CLTC: variants seen among roughly 807,000 people sequenced by gnomAD.
CLTC encodes clathrin heavy chain, also known as clathrin heavy chain 1.
CLTC carries 16 observed loss-of-function variants against 195.8 expected under a neutral mutation model. The ratio of observed to expected loss-of-function variants is 0.08; its 90% CI spans 0.06 to 0.12. The LOEUF (loss-of-function observed/expected upper bound fraction) is 0.12, where lower values mean the gene tolerates loss of function less well. Ranked by LOEUF, CLTC falls within the 10% of genes least tolerant of loss-of-function variation. The probability of loss-of-function intolerance (pLI) is 1.00; values close to 1 mark genes in which losing one functional copy is unlikely to be tolerated. For missense variants in CLTC, 796 were observed against 2,027.0 expected, an observed-to-expected ratio of 0.39 and a Z score of 11.66; for synonymous variants, 667 against 689.4, an observed-to-expected ratio of 0.97 and a Z score of 0.51.
intron 1 of CLTC, among the ~76,000 whole-genome samples, chr17:59,642,851 C>T (rs538263501): frequency 1.3e-5 from 2 of 152,184 alleles, no homozygotes; most frequent in East Asian, 3.9e-4. Flanking sequence ...ACATTAATAA[C>T]TTAATACCAG....
rs2032548171 is a variant in CLTC at position 59,659,157 on chromosome 17, A to G, written c.970-1234A>G. ...AGACAAACCCCCTTTCCTCATGTGA[A>G]CAGTAACTGAGAAAAAATTATACAA... On this transcript the variant is annotated intron_variant, in intron 6 of 31. Transcript: ENST00000269122. Among the ~76,000 whole-genome samples the G allele has an allele frequency of 3.3e-5, 5 of 152,310 alleles. No individual in the cohort carries two copies. The South Asian group carries it at 1.0e-3, about 32-fold the overall frequency.
intron 1 of CLTC, among the ~76,000 whole-genome samples, chr17:59,641,735 G>GATAT (rs1181893283): frequency 6.6e-6 from 1 of 151,100 alleles, no homozygotes; most frequent in Non-Finnish European, 1.5e-5. Context: ...GGAGATCAAA[G>GATAT]ATATATATGC....
At chr17:59,621,354 G>C (rs1020503109) in intron 1 of CLTC, among the ~76,000 whole-genome samples, 7 of 152,196 alleles carry the variant, frequency 4.6e-5, no homozygotes, top group Admixed American at 3.9e-4. Flanking sequence ...GTCGTCTGAA[G>C]GGCTAATTCC....
chr17:59,632,503 AAT>A (rs751710999), intron 1 of CLTC, among the ~76,000 whole-genome samples: 1 of 152,044 alleles, frequency 6.6e-6, no homozygotes, highest in Non-Finnish European at 1.5e-5. Flanking sequence ...AAGAAGTTGT[AAT>A]ACCATGAATT....
At chr17:59,627,750 TG>T (rs1423576427) in intron 1 of CLTC, among the ~76,000 whole-genome samples, 1 of 152,210 alleles carries the variant, frequency 6.6e-6, no homozygotes, top group Non-Finnish European at 1.5e-5. Flanking sequence ...CCGGTTAACT[TG>T]TAACCAGGAT....
At position 59,641,470 on chromosome 17, in the gene CLTC, G is replaced by A. The variant is rs573645311; in HGVS notation, c.43-2806G>A. Among the ~76,000 whole-genome samples the A allele has an allele frequency of 1.4e-4, 21 of 151,560 alleles. No individual in the cohort carries two copies. The South Asian group carries it at 3.8e-3, about 27-fold the overall frequency. ...CAAAAAATTAGCCGGGCATGTTGGC[G>A]CACTCCTGTAGTCCCAGCTACTCGG... On this transcript the variant is annotated intron_variant, in intron 1 of 31. Coordinates refer to ENST00000269122, the MANE Select transcript of CLTC (RefSeq NM_004859.4).
chr17:59,621,033 C>G (rs758844406), intron 1 of CLTC, among the ~76,000 whole-genome samples: 1 of 152,180 alleles, frequency 6.6e-6, no homozygotes, highest in Non-Finnish European at 1.5e-5. Context: ...TGGAATTGAA[C>G]AGAGCCCTGG....
At chr17:59,642,638 G>C (rs2032072105) in intron 1 of CLTC, among the ~76,000 whole-genome samples, 1 of 152,106 alleles carries the variant, frequency 6.6e-6, no homozygotes, top group Non-Finnish European at 1.5e-5. Context: ...GGTTTATAAG[G>C]CTTTACTATA....
chr17:59,637,889 C>T (rs2031915113), intron 1 of CLTC, among the ~76,000 whole-genome samples: 1 of 150,320 alleles, frequency 6.7e-6, no homozygotes, highest in Non-Finnish European at 1.5e-5. Context: ...GAATTCCACC[C>T]TGGGCCACAG....
intron 15 of CLTC, 72 bp from the exon 16 acceptor site, chr17:59,674,629 T>G: frequency 7.3e-7 from 1 of 1,375,512 alleles, no homozygotes; most frequent in Non-Finnish European, 9.9e-7. Context: ...GCGATAGAGA[T>G]AAATGCTTTT....
chr17:59,637,715 A>T (rs1195898261), intron 1 of CLTC, among the ~76,000 whole-genome samples: 2 of 150,506 alleles, frequency 1.3e-5, no homozygotes, highest in East Asian at 3.9e-4. Context: ...AAAAAAAAAA[A>T]ATTAGCTGGG....
At position 59,693,648 on chromosome 17, in the gene CLTC, T is replaced by A. The variant is rs573407051; in HGVS notation, c.4904-80T>A. The A allele has an allele frequency of 1.1e-5, 16 of 1,464,790 alleles. No individual in the cohort carries two copies. In the East Asian group the frequency reaches 3.5e-4, roughly 32 times the overall value. 90.7% of individuals were successfully genotyped at this position (1,464,790 alleles called of 1,614,324 possible). On this transcript the variant is annotated intron_variant, in intron 31 of 31. Transcript: ENST00000269122. The stretch of plus-strand genomic sequence containing the variant: ...GATTATGTTGCTAGAGTGGAGGAGA[T>A]TGGAGTGTTCTAAATGCTAACAGTT...
At chr17:59,661,288 T>C (rs1347905864) in intron 7 of CLTC, among the ~76,000 whole-genome samples, 155 bp from the exon 8 acceptor site, 1 of 152,204 alleles carries the variant, frequency 6.6e-6, no homozygotes, top group Non-Finnish European at 1.5e-5. Context: ...ACTTCCTAAC[T>C]TGATGTTAAT....
At position 59,620,010 on chromosome 17, in the gene CLTC, G is replaced by A. The variant is rs2031307478; in HGVS notation, c.-122G>A. The A allele has an allele frequency of 1.7e-5, 14 of 817,868 alleles. No homozygotes were observed. The South Asian group carries it at 1.9e-4, about 11-fold the overall frequency. The allele number at this position is 817,868 out of a possible 1,614,324, so 50.7% of individuals were successfully genotyped here. A position where few individuals can be genotyped will look rare whatever the true frequency, so the allele number is the denominator to read the frequency against. On this transcript the variant is annotated 5_prime_UTR_variant, in exon 1 of 32. Coordinates refer to ENST00000269122, the MANE Select transcript of CLTC (RefSeq NM_004859.4). ...CTGCCTGCCAGTTTCCTGCGTCCCCGGAGAGGATCCTGCTGAGCCCAGCCT... is the reference window on the plus strand; with the variant it reads ...CTGCCTGCCAGTTTCCTGCGTCCCCAGAGAGGATCCTGCTGAGCCCAGCCT...
At chr17:59,650,600 G>A (rs2143513470) in intron 4 of CLTC, among the ~76,000 whole-genome samples, 1 of 148,986 alleles carries the variant, frequency 6.7e-6, no homozygotes, top group Non-Finnish European at 1.5e-5. Context: ...CGATTCTCCT[G>A]CCTCAGCCTC....
intron 1 of CLTC, among the ~76,000 whole-genome samples, chr17:59,633,522 T>G (rs1034204379): frequency 6.6e-6 from 1 of 152,092 alleles, no homozygotes; most frequent in Non-Finnish European, 1.5e-5. Flanking sequence ...CTCTAGTGAC[T>G]CAATTGTAAA....
At chr17:59,661,689 TATG>T in intron 8 of CLTC, 46 bp downstream of exon 8, 1 of 1,542,912 alleles carries the variant, frequency 6.5e-7, no homozygotes. Flanking sequence ...TTGCATTAAA[TATG>T]ATATTGGCAA....
In CLTC at chr17:59,677,138, C is replaced by T; in HGVS notation, c.2746C>T (p.Leu916=). 1.9e-6 allele frequency: 3 copies of T among 1,614,106 alleles called. No individual in the cohort carries two copies. The highest frequency in any genetic ancestry group is 2.5e-6 in the Non-Finnish European group (3 of 1,179,970). The change falls in exon 17 of 32, where the codon CTG becomes TTG. Residue 916 remains leucine (L), a synonymous_variant. Transcript: ENST00000269122. ...GTATTGTGAGAAGAGAGATCCACATCTGGCCTGTGTTGCTTATGAACGTGG... is the reference window on the plus strand; with the variant it reads ...GTATTGTGAGAAGAGAGATCCACATTTGGCCTGTGTTGCTTATGAACGTGG... The part of the protein sequence containing the change: ...GKYCEKRDPH[L]ACVAYERGQC...
At chr17:59,663,460 A>G (rs2032655800) in intron 8 of CLTC, among the ~76,000 whole-genome samples, 1 of 152,190 alleles carries the variant, frequency 6.6e-6, no homozygotes, top group African/African-American at 2.4e-5. Flanking sequence ...CATTACATTA[A>G]AAGTTGCTTT....
Sources: allele counts gnomAD v4.1 joint callset (sites outside exome capture counted in the v4.1 genomes callset), GRCh38; gene constraint gnomAD v4.1.1; transcripts MANE v1.5; gene names NCBI Gene and HGNC (gene_info 2026-07-23, HGNC 2026-07-21).